ZNF608: variants seen among roughly 807,000 people sequenced by gnomAD.
ZNF608 encodes the protein renal carcinoma antigen NY-REN-36.
In ZNF608, 12 loss-of-function variants were observed where a neutral mutation model predicts 109.0. The ratio of observed to expected loss-of-function variants is 0.11; its 90% confidence interval spans 0.07 to 0.18. The LOEUF (loss-of-function observed/expected upper bound fraction) is 0.18, where lower values mean the gene tolerates loss of function less well. Among genes scored for constraint, ZNF608 ranks in the 10% least tolerant of loss-of-function variants. ZNF608 has a pLI of 1.00. For missense variants in ZNF608, 1,707 were observed against 1,879.3 expected (o/e 0.91, Z 1.70); for synonymous variants, 732 against 717.4 (o/e 1.02, Z -0.33).
At chr5:124,661,985 T>G (rs1751283082) in intron 3 of ZNF608, among the ~76,000 whole-genome samples, 1 of 152,166 alleles carries the variant, frequency 6.6e-6, no homozygotes, top group Admixed American at 6.5e-5. Context: ...CATGGACACT[T>G]AATAGTTTCC....
chr5:124,658,988 C>T (rs767711725), intron 3 of ZNF608, among the ~76,000 whole-genome samples: 1 of 151,848 alleles, frequency 6.6e-6, no homozygotes, highest in African/African-American at 2.4e-5. Flanking sequence ...TACAAGTGGC[C>T]CTGGGCACAT....
At chr5:124,674,179 C>T (rs537046598) in intron 3 of ZNF608, among the ~76,000 whole-genome samples, 1 of 152,166 alleles carries the variant, frequency 6.6e-6, no homozygotes, top group African/African-American at 2.4e-5. Context: ...GCAAGCACTA[C>T]ACATTATAGG....
At chr5:124,718,558 A>G (rs1753792287) in intron 2 of ZNF608, among the ~76,000 whole-genome samples, 1 of 152,248 alleles carries the variant, frequency 6.6e-6, no homozygotes, top group South Asian at 2.1e-4. Context: ...AAAGCCCTTG[A>G]GATCTTGGAG....
rs577439273 is a variant in ZNF608 at position 124,731,490 on chromosome 5, C to T, written c.906+12594G>A. Among the ~76,000 whole-genome samples, 151 of 152,018 alleles carry T rather than the reference C, an allele frequency of 9.9e-4. 1 individual carries two copies. Among genetic ancestry groups the T allele is most frequent in the African/African-American group, 3.4e-3 (143 of 41,512 alleles). ...CCTTCCAAAGTGCTGGGATTACAGG[C>T]GTGAGCCACCGCGCCCAGCCAACTG... is the stretch of plus-strand genomic sequence containing the variant. On this transcript the variant is annotated intron_variant, in intron 2 of 9. Coordinates refer to ENST00000513986, the MANE Select transcript of ZNF608 (RefSeq NM_020747.3).
chr5:124,724,313 A>G (rs544808590), intron 2 of ZNF608, among the ~76,000 whole-genome samples: 1 of 152,168 alleles, frequency 6.6e-6, no homozygotes, highest in Admixed American at 6.5e-5. Flanking sequence ...CATAAGGGGG[A>G]AGTAAAACCT....
intron 2 of ZNF608, among the ~76,000 whole-genome samples, chr5:124,716,142 CAA>C (rs1232356378): frequency 4.7e-4 from 35 of 73,960 alleles, no homozygotes; most frequent in Admixed American, 1.1e-3. Context: ...GAATCCGTCT[CAA>C]AAAAAAAAAA....
intron 3 of ZNF608, among the ~76,000 whole-genome samples, chr5:124,660,170 C>CTGTG (rs1751188504): frequency 7.7e-6 from 1 of 130,436 alleles, no homozygotes; most frequent in South Asian, 2.4e-4. Context: ...CCTCTCTTAA[C>CTGTG]TCTGTGTGTG....
intron 3 of ZNF608, among the ~76,000 whole-genome samples, chr5:124,657,020 T>C (rs1751041642): frequency 1.3e-5 from 2 of 152,198 alleles, no homozygotes; most frequent in African/African-American, 4.8e-5. Flanking sequence ...CTCTCGCTTA[T>C]TCACTGCCAT....
chr5:124,713,131 A>T (rs968165460), intron 2 of ZNF608, among the ~76,000 whole-genome samples: 1 of 152,208 alleles, frequency 6.6e-6, no homozygotes, highest in Non-Finnish European at 1.5e-5. Flanking sequence ...GTCCCTGAAC[A>T]GAGAGAAACT....
intron 3 of ZNF608, among the ~76,000 whole-genome samples, chr5:124,686,736 T>G (rs1439289808): frequency 6.6e-6 from 1 of 152,204 alleles, no homozygotes; most frequent in Non-Finnish European, 1.5e-5. Flanking sequence ...GTCAGCTCTG[T>G]CAACTTGAGT....
chr5:124,735,344 T>G (rs556431995), intron 2 of ZNF608, among the ~76,000 whole-genome samples: 6 of 140,956 alleles, frequency 4.3e-5, no homozygotes, highest in Non-Finnish European at 9.6e-5. Context: ...AACGGGTCCC[T>G]GGCGGGAAGA....
chr5:124,729,573 T>C (rs968693666), intron 2 of ZNF608, among the ~76,000 whole-genome samples: 2 of 152,252 alleles, frequency 1.3e-5, no homozygotes, highest in African/African-American at 4.8e-5. Context: ...TTCGTGCTGT[T>C]ACAACAAATT....
intron 9 of ZNF608, 28 bp from the exon 10 acceptor site, chr5:124,637,934 A>C (rs1561524854): frequency 6.2e-7 from 1 of 1,610,954 alleles, no homozygotes; most frequent in Middle Eastern, 1.7e-4. Context: ...ACCTTAGCAC[A>C]CGGTTCTATC....
chr5:124,696,023 A>G (rs567116955), intron 3 of ZNF608, among the ~76,000 whole-genome samples: 1 of 152,192 alleles, frequency 6.6e-6, no homozygotes, highest in South Asian at 2.1e-4. Flanking sequence ...GTCTCTACTA[A>G]AAATACAAAA....
At chr5:124,712,584 T>C (rs1753541306) in intron 2 of ZNF608, among the ~76,000 whole-genome samples, 1 of 152,086 alleles carries the variant, frequency 6.6e-6, no homozygotes, top group African/African-American at 2.4e-5. Context: ...GACTAATCTA[T>C]GGAGTGGGGC....
chr5:124,698,570 T>A (rs4612064), intron 3 of ZNF608, among the ~76,000 whole-genome samples: 12 of 152,350 alleles, frequency 7.9e-5, no homozygotes, highest in African/African-American at 2.9e-4. Context: ...ACAAAGATAT[T>A]CACAGAAATG....
At position 124,701,186 on chromosome 5, in the gene ZNF608, G is replaced by C; in HGVS notation, c.990C>G (p.Ser330=). ...LTPQILPSYF[S]PSSSNIAAPV... Reference sequence around the variant, plus strand: ...GTGCTGCAATATTGGATGAAGATGGGGAAAAGTAGGAGGGTAGAATCTGAG... The same window carrying C: ...GTGCTGCAATATTGGATGAAGATGGCGAAAAGTAGGAGGGTAGAATCTGAG... The change falls in exon 3 of 10, where the codon TCC becomes TCG. Residue 330 remains serine, a synonymous_variant. Transcript: ENST00000513986. 6.2e-7 allele frequency: 1 copy of C among 1,614,112 alleles called. No homozygotes were observed. The highest frequency in any genetic ancestry group is 1.1e-5 in the South Asian group (1 of 91,076).
In ZNF608 at chr5:124,648,885, C is replaced by T. The variant is rs1185926657; in HGVS notation, c.1499G>A (p.Arg500Lys). 3 of 1,613,976 alleles carry T rather than the reference C, an allele frequency of 1.9e-6. No individual in the cohort carries two copies. The highest frequency in any genetic ancestry group is 2.5e-6 in the Non-Finnish European group (3 of 1,179,938). Residue 500 changes from arginine to lysine, a missense_variant, in exon 5 of 10, where the codon AGG (arginine) becomes AAG (lysine). Around this residue, in one of 7 missense-constraint regions of ZNF608, gnomAD observed 166 missense variants for 204.2 expected, o/e 0.81. Transcript: ENST00000513986. ...IKASPSSTNK[R>K]KNKPPMELDL... ...CAGCTCCATTGGAGGCTTGTTTTTC[C>T]TTTTGTTGGTGGAGGAAGGGCTGGC...
chr5:124,641,191 T>A, intron 8 of ZNF608, 61 bp downstream of exon 8: 1 of 1,606,076 alleles, frequency 6.2e-7, no homozygotes, highest in Admixed American at 1.7e-5. Context: ...TGAAATGCAA[T>A]TTTAGCAACT....
Sources: allele counts gnomAD v4.1 joint callset (sites outside exome capture counted in the v4.1 genomes callset), GRCh38; gene constraint gnomAD v4.1.1; regional missense constraint gnomAD v4.1.1; transcripts MANE v1.5; gene names NCBI Gene and HGNC (gene_info 2026-07-23, HGNC 2026-07-21).